Variants in ZNF385D observed in about 807,000 individuals in gnomAD.
ZNF385D encodes the protein zinc finger protein 659.
Under a neutral mutation model 35.8 loss-of-function variants are expected in ZNF385D, and 15 were observed. The ratio of observed to expected loss-of-function variants is 0.42; its 90% CI spans 0.28 to 0.64. The LOEUF (loss-of-function observed/expected upper bound fraction) is 0.64, where lower values mean the gene tolerates loss of function less well. Among genes scored for constraint, ZNF385D ranks in the 30% least tolerant of loss-of-function variants. The probability of loss-of-function intolerance (pLI) is 0.23; values close to 1 mark genes in which losing one functional copy is unlikely to be tolerated. For synonymous variants in ZNF385D, 212 were observed against 186.8 expected (o/e 1.13, Z -1.10); for missense variants, 474 against 494.6 (o/e 0.96, Z 0.39).
chr3:22,342,301 A>AAAAAAAT (rs1695462229), intron 2 of ZNF385D, among the ~76,000 whole-genome samples: 1 of 147,712 alleles, frequency 6.8e-6, no homozygotes, highest in African/African-American at 2.5e-5. Context: ...AAAAAAAAAA[A>AAAAAAAT]GACTGAATGA....
chr3:21,609,948 T>C (rs1053848271), intron 2 of ZNF385D, among the ~76,000 whole-genome samples: 2 of 152,204 alleles, frequency 1.3e-5, no homozygotes, highest in African/African-American at 4.8e-5. Flanking sequence ...ACTCTTAAAC[T>C]GTTTCCAGTT....
rs192092925 is a variant in ZNF385D, at chr3:21,641,594, G to A, written c.165+23292C>T. Among the ~76,000 whole-genome samples the A allele has an allele frequency of 1.0e-4, 14 of 138,444 alleles. No individual in the cohort carries two copies. The East Asian group carries it at 2.3e-3, about 22-fold the overall frequency. The allele number at this position is 138,444 out of a possible 152,430, so 90.8% of individuals were successfully genotyped here. On this transcript the variant is annotated intron_variant, in intron 2 of 7. Coordinates refer to ENST00000281523, the MANE Select transcript of ZNF385D (RefSeq NM_024697.3). ...CACCAACTCTCTATGACTGGACAAT[G>A]TAAAATTTTTATCATTTTACTATGC... is the stretch of plus-strand genomic sequence containing the variant.
chr3:22,153,336 G>A (rs1013289885), intron 3 of ZNF385D, among the ~76,000 whole-genome samples: 5 of 152,052 alleles, frequency 3.3e-5, no homozygotes, highest in African/African-American at 1.2e-4. Flanking sequence ...TGTCCACAGA[G>A]CCAGATCCTC....
intron 3 of ZNF385D, among the ~76,000 whole-genome samples, chr3:21,984,880 A>C (rs1004972650): frequency 7.2e-6 from 1 of 138,638 alleles, no homozygotes; most frequent in Non-Finnish European, 1.6e-5. Context: ...GAGGTCCTTC[A>C]CGTCCCTTGT....
chr3:21,652,564 G>A (rs2065948858), intron 2 of ZNF385D, among the ~76,000 whole-genome samples: 1 of 151,932 alleles, frequency 6.6e-6, no homozygotes, highest in Non-Finnish European at 1.5e-5. Context: ...ATGTTGGTGT[G>A]CTACACCCAT....
At chr3:21,579,047 G>A (rs944950241) in intron 2 of ZNF385D, 1 of 152,088 alleles carries the variant, frequency 6.6e-6, no homozygotes, top group African/African-American at 2.4e-5. Context: ...TTAGAATCCT[G>A]TTTCTAGTGG....
At chr3:21,660,957 G>C (rs140733805) in intron 2 of ZNF385D, among the ~76,000 whole-genome samples, 1 of 152,280 alleles carries the variant, frequency 6.6e-6, no homozygotes, top group East Asian at 1.9e-4. Context: ...GAGACTGGAA[G>C]CCTGAGGCTT....
At chr3:21,734,582 A>T (rs2069159788) in intron 1 of ZNF385D, among the ~76,000 whole-genome samples, 1 of 152,126 alleles carries the variant, frequency 6.6e-6, no homozygotes, top group East Asian at 1.9e-4. Context: ...AACATGAGGT[A>T]AAGACACAGA....
intron 3 of ZNF385D, among the ~76,000 whole-genome samples, chr3:21,936,105 G>A (rs1701242739): frequency 6.6e-6 from 1 of 152,058 alleles, no homozygotes; most frequent in South Asian, 2.1e-4. Flanking sequence ...TAACTGGGAT[G>A]AGGAGGTGAG....
chr3:22,161,528 G>C (rs2125740819), intron 3 of ZNF385D, among the ~76,000 whole-genome samples: 1 of 151,990 alleles, frequency 6.6e-6, no homozygotes, highest in Admixed American at 6.6e-5. Context: ...TTTATGAGAG[G>C]GTGAATCATG....
At chr3:21,815,464 A>G (rs2073105844) in intron 3 of ZNF385D, among the ~76,000 whole-genome samples, 1 of 152,114 alleles carries the variant, frequency 6.6e-6, no homozygotes, top group Non-Finnish European at 1.5e-5. Context: ...AAAAGAGAGA[A>G]GAATCAGACG....
At chr3:22,192,188 G>C (rs932453990) in intron 2 of ZNF385D, among the ~76,000 whole-genome samples, 2 of 152,124 alleles carry the variant, frequency 1.3e-5, no homozygotes, top group African/African-American at 4.8e-5. Context: ...AGCCACACCA[G>C]GTCAGAGAAG....
chr3:22,037,400 T>TCC (rs1559322869), intron 3 of ZNF385D, among the ~76,000 whole-genome samples: 3 of 151,646 alleles, frequency 2.0e-5, no homozygotes, highest in Admixed American at 6.6e-5. Flanking sequence ...TAATGATTGC[T>TCC]ATTCTAACTG....
At chr3:22,079,278 A>C (rs965848284) in intron 3 of ZNF385D, among the ~76,000 whole-genome samples, 2 of 57,818 alleles carry the variant, frequency 3.5e-5, no homozygotes, top group African/African-American at 5.5e-5. Flanking sequence ...TGATCAAATG[A>C]TATATCTGCT....
chr3:21,672,532 G>A (rs2066607645), intron 1 of ZNF385D, among the ~76,000 whole-genome samples: 1 of 151,950 alleles, frequency 6.6e-6, no homozygotes, highest in Non-Finnish European at 1.5e-5. Flanking sequence ...TATGAGTCAG[G>A]GCAATTGGAG....
chr3:22,323,664 T>C (rs1374185143), intron 2 of ZNF385D, among the ~76,000 whole-genome samples: 1 of 152,168 alleles, frequency 6.6e-6, no homozygotes, highest in African/African-American at 2.4e-5. Flanking sequence ...AAAGCTACGG[T>C]AACACAAAAA....
intron 1 of ZNF385D, among the ~76,000 whole-genome samples, chr3:21,681,568 T>C (rs1045250704): frequency 1.1e-4 from 17 of 151,446 alleles, no homozygotes; most frequent in Admixed American, 4.6e-4. Flanking sequence ...AGCACAAATA[T>C]ACATCACAGT....
chr3:21,540,444 G>A (rs910451176), intron 3 of ZNF385D, among the ~76,000 whole-genome samples: 8 of 152,158 alleles, frequency 5.3e-5, no homozygotes, highest in African/African-American at 1.7e-4. Flanking sequence ...GCTGATCAAC[G>A]GAACAGAACT....
At chr3:22,316,119 G>T (rs1244589557) in intron 2 of ZNF385D, among the ~76,000 whole-genome samples, 1 of 152,086 alleles carries the variant, frequency 6.6e-6, no homozygotes, top group East Asian at 1.9e-4. Flanking sequence ...TTGGTCCTGT[G>T]GCCCCCTCAC....
Sources: gnomAD v4.1 joint callset for allele counts (sites outside exome capture counted in the v4.1 genomes callset) on GRCh38, gnomAD v4.1.1 for gene constraint, MANE v1.5 for transcripts, NCBI Gene and HGNC (gene_info 2026-07-23, HGNC 2026-07-21) for gene names.